The following PLCXD2 variants were observed in gnomAD, a reference collection of about 807,000 sequenced individuals.
PLCXD2 encodes the protein PI-PLC X domain-containing protein 2.
PLCXD2 carries 21 observed loss-of-function variants against 28.6 expected under a neutral mutation model. The ratio of observed to expected loss-of-function variants is 0.73; its 90% confidence interval spans 0.52 to 1.06. The LOEUF is 1.06. Ranked by LOEUF, PLCXD2 falls within the 50% of genes least tolerant of loss-of-function variation. PLCXD2 has a pLI of 0.00. For synonymous variants in PLCXD2, 140 were observed against 150.1 expected (o/e 0.93, Z 0.49); for missense variants, 369 against 376.7 (o/e 0.98, Z 0.17).
intron 1 of PLCXD2, among the ~76,000 whole-genome samples, chr3:111,696,816 A>G (rs765178872): frequency 3.3e-5 from 5 of 152,240 alleles, no homozygotes; most frequent in Admixed American, 1.3e-4. Flanking sequence ...TGGAGCTTAC[A>G]TGGCATTTAG....
At chr3:111,720,033 G>A (rs1482127671) in intron 3 of PLCXD2, among the ~76,000 whole-genome samples, 1 of 152,152 alleles carries the variant, frequency 6.6e-6, no homozygotes, top group Non-Finnish European at 1.5e-5. Flanking sequence ...TGGAAGGATA[G>A]TGACAGATTG....
intron 2 of PLCXD2, among the ~76,000 whole-genome samples, chr3:111,709,853 CGAGGA>C (rs1488136766): frequency 1.3e-5 from 2 of 152,138 alleles, no homozygotes; most frequent in African/African-American, 4.8e-5. Context: ...TCACTCTAAG[CGAGGA>C]GAGTTCTGGC....
intron 1 of PLCXD2, chr3:111,692,358 T>G (rs1233948536): frequency 6.5e-6 from 1 of 152,708 alleles, no homozygotes; most frequent in Non-Finnish European, 1.5e-5. Flanking sequence ...TTTTAGTTAT[T>G]AGGTGAAAAG....
At position 111,685,263 on chromosome 3, in the gene PLCXD2, C is replaced by T. The variant is rs138776245; in HGVS notation, c.163+9855C>T. Among the ~76,000 whole-genome samples the T allele has an allele frequency of 2.3e-3, 353 of 152,290 alleles. 3 individuals are homozygous for T. Among genetic ancestry groups the T allele is most frequent in the African/African-American group, 8.1e-3 (337 of 41,546 alleles). On this transcript the variant is annotated intron_variant, in intron 1 of 4. Transcript: ENST00000477665. ...TTAGATTATATATTTTAGATTTGAACTAAGATTGTACTTCTTTTAGAAAAT... is the reference window on the plus strand; with the variant it reads ...TTAGATTATATATTTTAGATTTGAATTAAGATTGTACTTCTTTTAGAAAAT...
At chr3:111,707,409 A>G (rs923368886) in intron 1 of PLCXD2, among the ~76,000 whole-genome samples, 3 of 152,198 alleles carry the variant, frequency 2.0e-5, no homozygotes, top group Middle Eastern at 3.2e-3. Context: ...AGATAGACAC[A>G]GTGTTTTCAT....
intron 1 of PLCXD2, among the ~76,000 whole-genome samples, chr3:111,702,619 C>G (rs1028839629): frequency 1.3e-5 from 2 of 152,182 alleles, no homozygotes; most frequent in African/African-American, 4.8e-5. Context: ...GCAGAAATTA[C>G]AGTGGGATGA....
Position 111,675,419 on chromosome 3 carries a change from A to G in PLCXD2, c.163+11A>G, listed in dbSNP as rs779147999. The G allele has an allele frequency of 2.2e-5, 35 of 1,613,812 alleles. No homozygotes were observed. The East Asian group carries it at 2.9e-4, about 13-fold the overall frequency. ...ATCTGGCAATCCCAGGTATTCGTCT[A>G]TTCCTACTTGTTCCCACTGTGTTTA... is the stretch of plus-strand genomic sequence containing the variant. On this transcript the variant is annotated intron_variant, in intron 1 of 4. Transcript: ENST00000477665.
intron 1 of PLCXD2, among the ~76,000 whole-genome samples, chr3:111,680,475 A>G (rs913893780): frequency 2.6e-5 from 4 of 152,054 alleles, no homozygotes; most frequent in African/African-American, 7.2e-5. Context: ...AAAAAATCAT[A>G]CAAGACCAAA....
intron 1 of PLCXD2, among the ~76,000 whole-genome samples, chr3:111,702,048 G>C (rs1176042063): frequency 6.6e-6 from 1 of 152,052 alleles, no homozygotes; most frequent in South Asian, 2.1e-4. Context: ...GGAAGCTTTT[G>C]GTGTCATCTG....
intron 1 of PLCXD2, among the ~76,000 whole-genome samples, chr3:111,686,797 T>C (rs1434612106): frequency 6.6e-6 from 1 of 152,238 alleles, no homozygotes; most frequent in East Asian, 1.9e-4. Flanking sequence ...ACCTTTCTTT[T>C]AAAATTGTTC....
intron 1 of PLCXD2, 28 bp from the exon 2 acceptor site, chr3:111,707,898 C>T (rs1390453424): frequency 6.4e-7 from 1 of 1,567,754 alleles, no homozygotes; most frequent in African/African-American, 1.4e-5. Flanking sequence ...GTCTCATCTG[C>T]TTTCCTCACC....
At chr3:111,702,448 C>T (rs541605980) in intron 1 of PLCXD2, among the ~76,000 whole-genome samples, 8 of 152,212 alleles carry the variant, frequency 5.3e-5, no homozygotes, top group East Asian at 3.9e-4. Context: ...AGAAGACAAT[C>T]GTGTGTGGAG....
chr3:111,701,315 TACTC>T (rs1239655178), intron 1 of PLCXD2, among the ~76,000 whole-genome samples: 3 of 152,176 alleles, frequency 2.0e-5, no homozygotes, highest in Admixed American at 1.3e-4. Context: ...AAAAGCAACT[TACTC>T]AATATGGGTT....
chr3:111,691,843 C>T (rs1400968920), intron 1 of PLCXD2, among the ~76,000 whole-genome samples: 2 of 152,150 alleles, frequency 1.3e-5, no homozygotes, highest in Non-Finnish European at 2.9e-5. Flanking sequence ...GTAATCACTG[C>T]CCTGCAGGAT....
intron 2 of PLCXD2, among the ~76,000 whole-genome samples, chr3:111,712,709 T>A (rs1250073075): frequency 6.6e-6 from 1 of 152,152 alleles, no homozygotes; most frequent in Non-Finnish European, 1.5e-5. Flanking sequence ...TGTTCTTGGG[T>A]GCCCGGGAGG....
At chr3:111,687,661 A>G (rs530381594) in intron 1 of PLCXD2, among the ~76,000 whole-genome samples, 1 of 149,104 alleles carries the variant, frequency 6.7e-6, no homozygotes, top group East Asian at 2.0e-4. Context: ...TCTGTTCTTT[A>G]TGGGTTTTTT....
At chr3:111,718,123 G>A (rs181546389) in intron 3 of PLCXD2, among the ~76,000 whole-genome samples, 16 of 152,196 alleles carry the variant, frequency 1.1e-4, no homozygotes, top group African/African-American at 3.9e-4. Flanking sequence ...CGTTCAAAAT[G>A]GAAGTACCCC....
intron 1 of PLCXD2, among the ~76,000 whole-genome samples, chr3:111,695,316 C>G (rs917211600): frequency 3.3e-5 from 5 of 152,176 alleles, no homozygotes; most frequent in African/African-American, 9.7e-5. Flanking sequence ...CCAATGGCTG[C>G]TGAAACCATG....
intron 3 of PLCXD2, chr3:111,725,956 G>T: frequency 2.5e-6 from 1 of 398,162 alleles, no homozygotes; most frequent in African/African-American, 2.1e-5. Context: ...AGGCACGTGT[G>T]TTCAGTGATG....
Sources: allele counts gnomAD v4.1 joint callset (sites outside exome capture counted in the v4.1 genomes callset), GRCh38; gene constraint gnomAD v4.1.1; transcripts MANE v1.5; gene names NCBI Gene and HGNC (gene_info 2026-07-23, HGNC 2026-07-21).